TESK2: variants seen among roughly 807,000 people sequenced by gnomAD.
The protein encoded by TESK2 is dual specificity testis-specific protein kinase 2.
Under a neutral mutation model 57.1 loss-of-function variants are expected in TESK2, and 39 were observed. The observed-to-expected ratio is 0.68, with a 90% confidence interval of 0.53 to 0.89. The LOEUF is 0.89. Among genes scored for constraint, TESK2 ranks in the 40% least tolerant of loss-of-function variants. The pLI, the probability that TESK2 is intolerant of heterozygous loss-of-function variation, is 0.00. For missense variants in TESK2, 646 were observed against 732.1 expected, an observed-to-expected ratio of 0.88 and a Z score of 1.36; for synonymous variants, 249 against 267.9, an observed-to-expected ratio of 0.93 and a Z score of 0.69.
chr1:45,356,951 T>C (rs767382701), intron 4 of TESK2, among the ~76,000 whole-genome samples: 12 of 151,990 alleles, frequency 7.9e-5, no homozygotes, highest in African/African-American at 2.9e-4. Context: ...CCTAGCACTT[T>C]GGGAGGCCGA....
At chr1:45,414,364 T>C (rs1650153290) in intron 3 of TESK2, among the ~76,000 whole-genome samples, 1 of 152,164 alleles carries the variant, frequency 6.6e-6, no homozygotes, top group Admixed American at 6.5e-5. Flanking sequence ...TACATTCTCA[T>C]GTATTATACT....
chr1:45,347,796 A>G (rs1647167754), intron 6 of TESK2, 103 bp from the exon 7 acceptor site: 1 of 1,469,378 alleles, frequency 6.8e-7, no homozygotes, highest in East Asian at 2.3e-5. Flanking sequence ...CGAGGACTAA[A>G]CAAATTTAGG....
chr1:45,373,529 C>A (rs1207866760), intron 4 of TESK2, among the ~76,000 whole-genome samples: 1 of 152,186 alleles, frequency 6.6e-6, no homozygotes, highest in Non-Finnish European at 1.5e-5. Flanking sequence ...AACAACTTCT[C>A]ATTTTTTGAA....
At position 45,368,642 on chromosome 1, in the gene TESK2, T is replaced by C. The variant is rs935047183; in HGVS notation, c.394-13193A>G. On this transcript the variant is annotated intron_variant, in intron 4 of 10. Coordinates refer to ENST00000372086, the MANE Select transcript of TESK2 (RefSeq NM_007170.3). ...CACCTGCCTCGGCCTCCCAAAGTGC[T>C]GAGATTACAGGCATGAGCCACCGCA... 3.3e-5 allele frequency among the ~76,000 whole-genome samples: 5 copies of C among 152,090 alleles called. 1 individual carries two copies. In the South Asian group the frequency reaches 1.0e-3, roughly 32 times the overall value.
rs1304318198 is a variant in TESK2 at position 45,355,383 on chromosome 1, C to G, written c.460G>C (p.Val154Leu). 1.2e-6 allele frequency: 2 copies of G among 1,613,922 alleles called. No individual in the cohort carries two copies. Among genetic ancestry groups the G allele is most frequent in the East Asian group, 4.5e-5 (2 of 44,874 alleles). Residue 154 changes from valine (V) to leucine (L), a missense_variant, in exon 5 of 11, where the codon GTA becomes CTA. Val to Leu is a conservative substitution (Grantham distance 32). Coordinates refer to ENST00000372086, the MANE Select transcript of TESK2 (RefSeq NM_007170.3). ...SNLHLPWTVR[V>L]KLAYDIAVGL... Reference sequence around the variant, plus strand: ...ACTGCTATGTCATAGGCCAGTTTTACCCTCACAGTCCAAGGCAAATGCAGG... The same window carrying G: ...ACTGCTATGTCATAGGCCAGTTTTAGCCTCACAGTCCAAGGCAAATGCAGG...
intron 5 of TESK2, among the ~76,000 whole-genome samples, chr1:45,349,106 C>T (rs1256574150): frequency 4.6e-5 from 7 of 151,216 alleles, no homozygotes; most frequent in Admixed American, 2.7e-4. Flanking sequence ...CCAGCAAGGC[C>T]CCATCTGACC....
chr1:45,374,724 C>T (rs1195074596), intron 4 of TESK2, among the ~76,000 whole-genome samples: 3 of 152,156 alleles, frequency 2.0e-5, no homozygotes, highest in Non-Finnish European at 2.9e-5. Context: ...GACACCAGTA[C>T]TCTATGAAGA....
intron 2 of TESK2, among the ~76,000 whole-genome samples, chr1:45,457,040 C>T (rs998833711): frequency 6.6e-6 from 1 of 152,104 alleles, no homozygotes; most frequent in African/African-American, 2.4e-5. Flanking sequence ...TGCTATGTTG[C>T]CCAGGCTGCT....
intron 1 of TESK2, among the ~76,000 whole-genome samples, chr1:45,464,122 T>C (rs1652440780): frequency 1.3e-5 from 2 of 152,166 alleles, no homozygotes; most frequent in Admixed American, 6.6e-5. Flanking sequence ...TCGTTTTAGG[T>C]AGTATGGACA....
Position 45,345,279 on chromosome 1 carries a change from A to C in TESK2, c.1277T>G (p.Leu426Arg). 6.2e-7 allele frequency: 1 copy of C among 1,614,178 alleles called. No homozygotes were observed. Residue 426 changes from leucine (L) to arginine (R), a missense_variant, in exon 11 of 11, where the codon CTG becomes CGG. Leu to Arg is a moderately radical substitution (Grantham distance 102, BLOSUM62 -2). Coordinates refer to ENST00000372086, the MANE Select transcript of TESK2 (RefSeq NM_007170.3). Reference sequence around the variant, plus strand: ...CCCTGGTGCATCCAGGTCAAATACCAGAGAGATGACAGACTTGCTGGGCAG... The same window carrying C: ...CCCTGGTGCATCCAGGTCAAATACCCGAGAGATGACAGACTTGCTGGGCAG... ...FDLPSKSVIS[L>R]VFDLDAPGPG...
At chr1:45,357,239 A>AAATAAATAAATG (rs1491542740) in intron 4 of TESK2, among the ~76,000 whole-genome samples, 20 of 126,792 alleles carry the variant, frequency 1.6e-4, no homozygotes, top group African/African-American at 5.6e-4. Flanking sequence ...ATAAATAAAT[A>AAATAAATAAATG]AATGTATGTA....
At chr1:45,481,016 A>C (rs953944202) in intron 1 of TESK2, among the ~76,000 whole-genome samples, 1 of 151,468 alleles carries the variant, frequency 6.6e-6, no homozygotes, top group Non-Finnish European at 1.5e-5. Context: ...ATAACCAAAA[A>C]AAAAGAATGA....
At chr1:45,476,269 G>A (rs1193385509) in intron 1 of TESK2, among the ~76,000 whole-genome samples, 1 of 152,080 alleles carries the variant, frequency 6.6e-6, no homozygotes. Flanking sequence ...CACTTTGGGA[G>A]GCCCGAGGCA....
intron 1 of TESK2, among the ~76,000 whole-genome samples, chr1:45,474,364 C>CT (rs1364912317): frequency 6.6e-6 from 1 of 152,002 alleles, no homozygotes; most frequent in Non-Finnish European, 1.5e-5. Context: ...CAGTTGCTCA[C>CT]TCCTGTAATC....
intron 2 of TESK2, among the ~76,000 whole-genome samples, chr1:45,450,021 T>C (rs961144435): frequency 9.2e-5 from 14 of 152,178 alleles, no homozygotes; most frequent in African/African-American, 2.9e-4. Flanking sequence ...TAGTGTATGA[T>C]AGAGATATTT....
At chr1:45,413,947 T>G (rs886368266) in intron 3 of TESK2, 3 of 412,438 alleles carry the variant, frequency 7.3e-6, no homozygotes, top group African/African-American at 6.2e-5. Flanking sequence ...ACCAAAAAAT[T>G]TAAATCCTAA....
intron 2 of TESK2, among the ~76,000 whole-genome samples, chr1:45,430,020 C>A (rs1350977596): frequency 6.6e-6 from 1 of 152,124 alleles, no homozygotes; most frequent in Non-Finnish European, 1.5e-5. Flanking sequence ...TGAAGAGTTG[C>A]TGGACTCTAG....
At chr1:45,425,292 T>G (rs1650642227) in intron 2 of TESK2, among the ~76,000 whole-genome samples, 1 of 152,116 alleles carries the variant, frequency 6.6e-6, no homozygotes, top group South Asian at 2.1e-4. Context: ...AACCAAAAAG[T>G]AATCCAATTT....
Position 45,373,255 on chromosome 1 carries a change from G to A in TESK2, c.393+12657C>T, listed in dbSNP as rs943882281. 7.2e-5 allele frequency among the ~76,000 whole-genome samples: 11 copies of A among 152,128 alleles called. 1 individual carries two copies. The highest frequency in any genetic ancestry group is 5.2e-4 in the Admixed American group (8 of 15,270). ...GAGACTAGTTAAAAGGTTATGGCAAGACATAATGATGGCAGAAGGAATGAT... is the reference window on the plus strand; with the variant it reads ...GAGACTAGTTAAAAGGTTATGGCAAAACATAATGATGGCAGAAGGAATGAT... On this transcript the variant is annotated intron_variant, in intron 4 of 10. Coordinates refer to ENST00000372086, the MANE Select transcript of TESK2 (RefSeq NM_007170.3).
Sources: allele counts gnomAD v4.1 joint callset (sites outside exome capture counted in the v4.1 genomes callset), GRCh38; gene constraint gnomAD v4.1.1; transcripts MANE v1.5; gene names NCBI Gene and HGNC (gene_info 2026-07-23, HGNC 2026-07-21).